HEATR4: variants seen among roughly 807,000 people sequenced by gnomAD.
The protein encoded by HEATR4 is HEAT repeat containing 4, also known as HEAT repeat-containing protein 4.
In HEATR4, 95 loss-of-function variants were observed where a neutral mutation model predicts 108.8. That is an observed-to-expected ratio of 0.87 (90% CI 0.74 to 1.04). The LOEUF (loss-of-function observed/expected upper bound fraction) is 1.04, where lower values mean the gene tolerates loss of function less well. Among genes scored for constraint, HEATR4 ranks in the 50% least tolerant of loss-of-function variants. The pLI is 0.00. For missense variants in HEATR4, 1,152 were observed against 1,253.8 expected (o/e 0.92, Z 1.23); for synonymous variants, 443 against 459.4 (o/e 0.96, Z 0.46).
the HEATR4 span, among the ~76,000 whole-genome samples, chr14:73,576,906 A>C: frequency 2.0e-4 from 30 of 149,016 alleles, no homozygotes; most frequent in African/African-American, 7.1e-4. Context: ...AGGAAAAAAA[A>C]CCTTAATTTA....
At chr14:73,587,846 C>T in the HEATR4 span, among the ~76,000 whole-genome samples, 97 of 152,128 alleles carry the variant, frequency 6.4e-4, no homozygotes, top group Non-Finnish European at 1.2e-3. Context: ...ACTGCTAATG[C>T]GCTTAATTAT....
In HEATR4 at chr14:73,492,779, T is replaced by C. The variant is rs747408546; in HGVS notation, c.2844+287A>G. On this transcript the variant is annotated intron_variant, in intron 17 of 17. Transcript: ENST00000553558. The surrounding 1 kb of genome is among the most constrained non-coding windows in gnomAD (Gnocchi z 4.9). The stretch of plus-strand genomic sequence containing the variant: ...GGAAGAACCCAAGTGCTTGGAAATA[T>C]ACCCCCAGCAAGCTGATGCCATGGA... The C allele has an allele frequency of 1.4e-5, 23 of 1,613,818 alleles. No homozygotes were observed. Among genetic ancestry groups the C allele is most frequent in the African/African-American group, 5.3e-5 (4 of 74,912 alleles).
intron 17 of HEATR4, among the ~76,000 whole-genome samples, chr14:73,488,313 C>G (rs1885530522): frequency 6.6e-6 from 1 of 152,184 alleles, no homozygotes; most frequent in Non-Finnish European, 1.5e-5. Flanking sequence ...CTGTGTCGCC[C>G]AGGCTGGAGT....
the HEATR4 span, chr14:73,595,502 G>A: frequency 6.8e-6 from 11 of 1,613,838 alleles, no homozygotes; most frequent in Non-Finnish European, 9.3e-6. Context: ...CCTGTGCCCA[G>A]CTTCCCTTCA....
chr14:73,524,662 C>G (rs373099669), intron 2 of HEATR4, among the ~76,000 whole-genome samples: 1 of 149,610 alleles, frequency 6.7e-6, no homozygotes, highest in African/African-American at 2.5e-5. Flanking sequence ...GGTTTCAAAT[C>G]TAGCCTACTA....
At chr14:73,522,151 G>GCA in intron 3 of HEATR4, 121 bp downstream of exon 3, 3 of 1,016,044 alleles carry the variant, frequency 3.0e-6, no homozygotes, top group Non-Finnish European at 2.9e-6. Flanking sequence ...CAGGCCGGTG[G>GCA]TGGAGAACAT....
At position 73,514,247 on chromosome 14, in the gene HEATR4, GCAGTGTGAGGTCTTTTCACCC is replaced by G. The variant is rs750478967; in HGVS notation, c.1211-34_1211-14del. The stretch of plus-strand genomic sequence containing the variant: ...ACAGGTCTGTAAGCTGTGCAACGTG[GCAGTGTGAGGTCTTTTCACCC>G]CACTGCCTTAGGCCCTGCCACACAG... On this transcript the variant is annotated splice_polypyrimidine_tract_variant and intron_variant, in intron 5 of 17. Coordinates refer to ENST00000553558, the MANE Select transcript of HEATR4 (RefSeq NM_001220484.1). 1.9e-4 allele frequency: 313 copies of G among 1,611,474 alleles called. No individual in the cohort carries two copies. Among genetic ancestry groups the G allele is most frequent in the Non-Finnish European group, 2.6e-4 (305 of 1,178,320 alleles).
chr14:73,569,146 G>A, the HEATR4 span: 2 of 1,438,800 alleles, frequency 1.4e-6, no homozygotes, highest in South Asian at 1.3e-5. Context: ...TCTATATTTG[G>A]TCTGGCTGAT....
chr14:73,569,000 C>T, the HEATR4 span: 1 of 535,660 alleles, frequency 1.9e-6, no homozygotes, highest in South Asian at 2.7e-5. Context: ...CTGCTAGCTG[C>T]CTGGTTCTTT....
chr14:73,481,059 C>T (rs1885234898), intron 17 of HEATR4: 1 of 151,830 alleles, frequency 6.6e-6, no homozygotes, highest in African/African-American at 2.4e-5. Context: ...GCTGTGAAGC[C>T]AGAAAAAGAC....
At chr14:73,617,225 G>A in the HEATR4 span, 4 of 1,614,116 alleles carry the variant, frequency 2.5e-6, no homozygotes, top group South Asian at 3.3e-5. Context: ...GTGCAGAAGA[G>A]AGGGGATAGA....
chr14:73,497,969 G>A (rs1025081372), intron 14 of HEATR4, among the ~76,000 whole-genome samples, 186 bp downstream of exon 14: 3 of 152,164 alleles, frequency 2.0e-5, no homozygotes, highest in African/African-American at 7.2e-5. Context: ...AACTACATAA[G>A]CTTGACTTTC....
chr14:73,567,502 C>G, the HEATR4 span: 2 of 151,906 alleles, frequency 1.3e-5, no homozygotes, highest in African/African-American at 4.8e-5. Context: ...CTTTGTAAAA[C>G]GAACCAATCA....
At chr14:73,525,061 C>A (rs1888245462) in intron 2 of HEATR4, among the ~76,000 whole-genome samples, 1 of 151,926 alleles carries the variant, frequency 6.6e-6, no homozygotes, top group Non-Finnish European at 1.5e-5. Context: ...GGGTCTTGTT[C>A]TGTCGCCCAG....
chr14:73,595,216 C>T, the HEATR4 span: 1 of 1,614,234 alleles, frequency 6.2e-7, no homozygotes, highest in Non-Finnish European at 8.5e-7. Context: ...CACCATTGGG[C>T]TATGACCTGA....
At chr14:73,595,127 A>G in the HEATR4 span, 6 of 1,614,070 alleles carry the variant, frequency 3.7e-6, no homozygotes, top group Admixed American at 1.0e-4. Context: ...ATTCTTGAAG[A>G]ATGTCTCAGC....
At chr14:73,590,373 A>C in the HEATR4 span, among the ~76,000 whole-genome samples, 3 of 152,226 alleles carry the variant, frequency 2.0e-5, no homozygotes, top group South Asian at 6.2e-4. Flanking sequence ...AGACATAAAG[A>C]TTCTCCAAGT....
At chr14:73,561,341 G>A (rs537702384), upstream of HEATR4, among the ~76,000 whole-genome samples, 37 of 151,520 alleles carry the variant, frequency 2.4e-4, no homozygotes, top group African/African-American at 6.1e-4. Flanking sequence ...GGTCCAGCCC[G>A]GGCGACAGAG....
Position 73,523,092 on chromosome 14 carries a change from G to T in HEATR4, c.61C>A (p.Pro21Thr), listed in dbSNP as rs1326073657. The T allele has an allele frequency of 1.2e-6, 2 of 1,611,508 alleles. No homozygotes were observed. Among genetic ancestry groups the T allele is most frequent in the Non-Finnish European group, 1.7e-6 (2 of 1,180,008 alleles). The stretch of plus-strand genomic sequence containing the variant: ...AAAATCATGCCCCATCCCAGTCGTG[G>T]GGGCAGTGACTGATAGAAGCAATGG... The part of the protein sequence containing the change: ...LPHCFYQSLP[P>T]RLGWGMILNY... Residue 21 changes from proline (P) to threonine (T), a missense_variant, in exon 3 of 18, where the codon CCA becomes ACA. Coordinates refer to ENST00000553558, the MANE Select transcript of HEATR4 (RefSeq NM_001220484.1).
Sources: allele counts gnomAD v4.1 joint callset (sites outside exome capture counted in the v4.1 genomes callset), GRCh38; gene constraint gnomAD v4.1.1; non-coding constraint Gnocchi (gnomAD v3.1); transcripts MANE v1.5; gene names NCBI Gene and HGNC (gene_info 2026-07-23, HGNC 2026-07-21).